Variants in PIK3CA observed in about 807,000 individuals in gnomAD.
PIK3CA encodes phosphatidylinositol-4,5-bisphosphate 3-kinase catalytic subunit alpha, also known as phosphatidylinositol 4,5-bisphosphate 3-kinase catalytic subunit alpha isoform.
PIK3CA carries 27 observed loss-of-function variants against 138.2 expected under a neutral mutation model. The observed-to-expected ratio is 0.20, with a 90% CI of 0.14 to 0.27. The LOEUF is 0.27. Ranked by LOEUF, PIK3CA falls within the 10% of genes least tolerant of loss-of-function variation. The pLI is 1.00. For synonymous variants in PIK3CA, 358 were observed against 413.2 expected, an observed-to-expected ratio of 0.87 and a Z score of 1.62; for missense variants, 544 against 1,277.4, an observed-to-expected ratio of 0.43 and a Z score of 8.75.
chr3:179,181,673 T>A (rs1025701846), intron 1 of PIK3CA, among the ~76,000 whole-genome samples: 1 of 152,190 alleles, frequency 6.6e-6, no homozygotes, highest in African/African-American at 2.4e-5. Context: ...TGGAGATAAT[T>A]AAACATATTT....
Position 179,234,280 on chromosome 3 carries a change from A to G in PIK3CA, c.3123A>G (p.Lys1041=), listed in dbSNP as rs2108429803. ...TEQEALEYFM[K]QMNDAHHGGW... ...AAGAGGCTTTGGAGTATTTCATGAA[A>G]CAAATGAATGATGCACATCATGGTG... is the stretch of plus-strand genomic sequence containing the variant. Residue 1041 remains lysine (K), a synonymous_variant, in exon 21 of 21, where the codon AAA becomes AAG. Coordinates refer to ENST00000263967, the MANE Select transcript of PIK3CA (RefSeq NM_006218.4). The surrounding 1 kb of genome is among the most constrained non-coding windows in gnomAD (Gnocchi z 5.1). The G allele has an allele frequency of 6.2e-7, 1 of 1,613,666 alleles. No homozygotes were observed. Among genetic ancestry groups the G allele is most frequent in the Non-Finnish European group, 8.5e-7 (1 of 1,179,700 alleles).
intron 1 of PIK3CA, among the ~76,000 whole-genome samples, chr3:179,151,289 G>T (rs1723008125): frequency 6.6e-6 from 1 of 152,172 alleles, no homozygotes; most frequent in Non-Finnish European, 1.5e-5. Flanking sequence ...CAGACTCATT[G>T]ACAAAACCAA....
chr3:179,200,392 T>C (rs1029539726), intron 3 of PIK3CA, among the ~76,000 whole-genome samples: 1 of 152,032 alleles, frequency 6.6e-6, no homozygotes, highest in Non-Finnish European at 1.5e-5. Context: ...GTTTCTAGAA[T>C]TAAGGGAACA....
chr3:179,218,204 T>C lies in PIK3CA; in HGVS notation c.1540-6T>C, dbSNP rs200006381. On this transcript the variant is annotated splice_polypyrimidine_tract_variant and splice_region_variant and intron_variant, in intron 9 of 20. Coordinates refer to ENST00000263967, the MANE Select transcript of PIK3CA (RefSeq NM_006218.4). ...AAGCTATATAAGATATTATTTTATT[T>C]TACAGAGTAACAGACTAGCTAGAGA... is the stretch of plus-strand genomic sequence containing the variant. 7.0e-6 allele frequency: 11 copies of C among 1,564,240 alleles called. No individual in the cohort carries two copies. Among genetic ancestry groups the C allele is most frequent in the Non-Finnish European group, 9.5e-6 (11 of 1,154,236 alleles).
chr3:179,189,867 C>T (rs759496893), intron 1 of PIK3CA, among the ~76,000 whole-genome samples: 1 of 152,258 alleles, frequency 6.6e-6, no homozygotes, highest in South Asian at 2.1e-4. Flanking sequence ...TGTTTTCTCA[C>T]GGCCAGCTTT....
At chr3:179,195,804 C>A (rs895353419) in intron 1 of PIK3CA, among the ~76,000 whole-genome samples, 2 of 152,154 alleles carry the variant, frequency 1.3e-5, no homozygotes, top group African/African-American at 4.8e-5. Context: ...ACTGCCCACC[C>A]ATGTACATGG....
intron 5 of PIK3CA, among the ~76,000 whole-genome samples, chr3:179,204,180 G>A (rs2108393910): frequency 6.6e-6 from 1 of 152,254 alleles, no homozygotes; most frequent in African/African-American, 2.4e-5. Context: ...ACCAGCTAAG[G>A]AAGTAGTATT....
chr3:179,179,424 T>A lies in PIK3CA; in HGVS notation c.-76-19326T>A, dbSNP rs1275132413. ...ACAAGAGTATACACTGTGATTCAATTTATGTAAAGTTAAGACTCAGCAAAA... is the reference window on the plus strand; with the variant it reads ...ACAAGAGTATACACTGTGATTCAATATATGTAAAGTTAAGACTCAGCAAAA... On this transcript the variant is annotated intron_variant, in intron 1 of 20. Transcript: ENST00000263967. Among the ~76,000 whole-genome samples, 4 of 152,210 alleles carry A rather than the reference T, an allele frequency of 2.6e-5. No homozygotes were observed. In the East Asian group the frequency reaches 7.7e-4, roughly 29 times the overall value.
chr3:179,214,094 C>T (rs1576940670), intron 9 of PIK3CA, among the ~76,000 whole-genome samples: 1 of 152,220 alleles, frequency 6.6e-6, no homozygotes, highest in Non-Finnish European at 1.5e-5. Flanking sequence ...ATCTAGACCA[C>T]TAAAACTTTC....
At chr3:179,204,441 G>T (rs760159425) in intron 5 of PIK3CA, 62 bp from the exon 6 acceptor site, 3 of 728,400 alleles carry the variant, frequency 4.1e-6, no homozygotes, top group African/African-American at 3.5e-5. Context: ...TGAGTCTATC[G>T]AGTGTGTGCA....
At chr3:179,179,498 GAGAAATTA>G (rs1723787493) in intron 1 of PIK3CA, among the ~76,000 whole-genome samples, 1 of 152,218 alleles carries the variant, frequency 6.6e-6, no homozygotes, top group Admixed American at 6.5e-5. Context: ...GGGGCAGAGA[GAGAAATTA>G]ATTGGAAAAG....
chr3:179,195,365 T>G (rs1021340697), intron 1 of PIK3CA, among the ~76,000 whole-genome samples: 1 of 152,162 alleles, frequency 6.6e-6, no homozygotes, highest in African/African-American at 2.4e-5. Context: ...CTTTACAAGT[T>G]TATTGCTAAT....
chr3:179,186,883 T>C (rs901873357), intron 1 of PIK3CA, among the ~76,000 whole-genome samples: 2 of 152,182 alleles, frequency 1.3e-5, no homozygotes, highest in African/African-American at 2.4e-5. Flanking sequence ...TAAATTTTCA[T>C]TGAGGCAACC....
rs1217565814 is a variant in PIK3CA, at chr3:179,157,233, A to ACT, written c.-77+8630_-77+8631insCT. Among the ~76,000 whole-genome samples, 3 of 152,154 alleles carry ACT rather than the reference A, an allele frequency of 2.0e-5. No homozygotes were observed. In the East Asian group the frequency reaches 5.8e-4, roughly 29 times the overall value. On this transcript the variant is annotated intron_variant, in intron 1 of 20. Coordinates refer to ENST00000263967, the MANE Select transcript of PIK3CA (RefSeq NM_006218.4). ...CCTTCTGAAGCTTTTCTTAAAATCT[A>ACT]ATGGCTACTATTATTTGCAGTTGAG...
At chr3:179,195,186 C>T (rs1456424602) in intron 1 of PIK3CA, among the ~76,000 whole-genome samples, 2 of 151,528 alleles carry the variant, frequency 1.3e-5, no homozygotes, top group Non-Finnish European at 2.9e-5. Context: ...TGTGTGTGAG[C>T]CTTGCCACCT....
intron 1 of PIK3CA, among the ~76,000 whole-genome samples, chr3:179,186,937 T>C (rs778008294): frequency 5.9e-5 from 9 of 152,196 alleles, no homozygotes; most frequent in Non-Finnish European, 1.3e-4. Context: ...TATATACAGT[T>C]GGTCCTGAAA....
chr3:179,148,154 C>T (rs958121039), upstream of PIK3CA: 1 of 151,800 alleles, frequency 6.6e-6, no homozygotes, highest in East Asian at 1.9e-4. Context: ...CAGCTCTTAC[C>T]CTCTTCTGCC....
rs111336493 is a variant in PIK3CA, at chr3:179,211,886, C to T, written c.1539+1321C>T. Among the ~76,000 whole-genome samples, 207 of 152,244 alleles carry T rather than the reference C, an allele frequency of 1.4e-3. 3 individuals are homozygous for T. Among genetic ancestry groups the T allele is most frequent in the African/African-American group, 4.5e-3 (188 of 41,546 alleles). ...GAGGTACTCTCAAGAAGCAGAGAAA[C>T]GTCATGACGTTACAAGCAAAAGTTG... On this transcript the variant is annotated intron_variant, in intron 9 of 20. Coordinates refer to ENST00000263967, the MANE Select transcript of PIK3CA (RefSeq NM_006218.4).
chr3:179,187,038 GT>G (rs77335735), intron 1 of PIK3CA, among the ~76,000 whole-genome samples: 13,642 of 148,714 alleles, frequency 0.092, 900 homozygotes, highest in African/African-American at 0.18. Flanking sequence ...TAAGGGAAGT[GT>G]TTTTTTTTTC....
Sources: allele counts gnomAD v4.1 joint callset (sites outside exome capture counted in the v4.1 genomes callset), GRCh38; gene constraint gnomAD v4.1.1; non-coding constraint Gnocchi (gnomAD v3.1); transcripts MANE v1.5; gene names NCBI Gene and HGNC (gene_info 2026-07-23, HGNC 2026-07-21).